XRRA1: variants seen among roughly 807,000 people sequenced by gnomAD.
XRRA1 encodes X-ray radiation resistance associated 1.
A neutral mutation model predicts 80.2 loss-of-function variants in XRRA1; 69 were observed. The ratio of observed to expected loss-of-function variants is 0.86; its 90% confidence interval spans 0.71 to 1.05. The LOEUF (loss-of-function observed/expected upper bound fraction) is 1.05, where lower values mean the gene tolerates loss of function less well. Ranked by LOEUF, XRRA1 falls within the 50% of genes least tolerant of loss-of-function variation. XRRA1 has a pLI of 0.00. For missense variants in XRRA1, 967 were observed against 976.4 expected, an observed-to-expected ratio of 0.99 and a Z score of 0.13; for synonymous variants, 348 against 389.9, an observed-to-expected ratio of 0.89 and a Z score of 1.27.
In XRRA1 at chr11:74,842,114, T is replaced by C. The variant is rs2036648412; in HGVS notation, c.*1086A>G. 1 of 152,164 alleles carries C rather than the reference T, an allele frequency of 6.6e-6. No individual in the cohort carries two copies. The highest frequency in any genetic ancestry group is 6.5e-5 in the Admixed American group (1 of 15,280). The allele number at this position is 152,164 out of a possible 1,614,324, so 9.4% of individuals were successfully genotyped here. ...TCCTGCCTAGAAAATAGGTTGTGTA[T>C]TGGTTTTATTCAACCTGCTGTCTGC... On this transcript the variant is annotated 3_prime_UTR_variant, in exon 19 of 19. Transcript: ENST00000684022.
At chr11:74,866,488 T>A (rs895948848) in intron 10 of XRRA1, among the ~76,000 whole-genome samples, 3 of 152,024 alleles carry the variant, frequency 2.0e-5, no homozygotes, top group Admixed American at 1.3e-4. Flanking sequence ...ACTCCTGGGC[T>A]CAAGCAATCT....
chr11:74,898,218 A>G (rs184969657), intron 10 of XRRA1, among the ~76,000 whole-genome samples: 22 of 152,308 alleles, frequency 1.4e-4, no homozygotes, highest in African/African-American at 4.6e-4. Flanking sequence ...GGGTTATAAG[A>G]TAGTATTTGC....
intron 10 of XRRA1, among the ~76,000 whole-genome samples, chr11:74,882,071 G>A (rs1305087041): frequency 6.7e-6 from 1 of 149,640 alleles, no homozygotes; most frequent in African/African-American, 2.5e-5. Context: ...CTAGATTGGG[G>A]AAGTTCTCCT....
intron 10 of XRRA1, chr11:74,876,994 A>G (rs1011509519): frequency 6.6e-6 from 1 of 152,214 alleles, no homozygotes; most frequent in Non-Finnish European, 1.5e-5. Context: ...AAAATTTAAG[A>G]TGGAAATTAT....
intron 1 of XRRA1, among the ~76,000 whole-genome samples, chr11:74,948,607 A>G (rs1481695652): frequency 1.3e-5 from 2 of 152,182 alleles, no homozygotes; most frequent in Admixed American, 1.3e-4. Context: ...CCGAGTTCAG[A>G]TACATGCTAT....
chr11:74,896,564 C>T (rs2137622466), intron 10 of XRRA1, among the ~76,000 whole-genome samples: 1 of 152,294 alleles, frequency 6.6e-6, no homozygotes, highest in East Asian at 1.9e-4. Context: ...TCCCAGACAG[C>T]ATCTCTGGAC....
At chr11:74,934,869 C>T (rs1036061144) in intron 4 of XRRA1, among the ~76,000 whole-genome samples, 2 of 152,126 alleles carry the variant, frequency 1.3e-5, no homozygotes, top group Admixed American at 6.5e-5. Flanking sequence ...ACATATCAGA[C>T]AGAGTACATC....
chr11:74,871,853 T>C (rs2044856831), intron 10 of XRRA1, among the ~76,000 whole-genome samples: 1 of 152,246 alleles, frequency 6.6e-6, no homozygotes, highest in African/African-American at 2.4e-5. Context: ...TTCCAAAATT[T>C]AACTCAGGTG....
At chr11:74,915,052 C>T (rs1008344211) in intron 8 of XRRA1, among the ~76,000 whole-genome samples, 2 of 152,200 alleles carry the variant, frequency 1.3e-5, no homozygotes, top group African/African-American at 4.8e-5. Flanking sequence ...CTGATACCTT[C>T]TCAAAGTCAA....
chr11:74,844,113 T>A, intron 17 of XRRA1, 55 bp downstream of exon 17: 1 of 1,538,520 alleles, frequency 6.5e-7, no homozygotes, highest in Non-Finnish European at 9.0e-7. Flanking sequence ...GCCACATCTG[T>A]AATTGTGGGC....
chr11:74,887,643 C>T (rs996351821), intron 10 of XRRA1, among the ~76,000 whole-genome samples: 19 of 152,304 alleles, frequency 1.2e-4, no homozygotes, highest in South Asian at 4.1e-4. Context: ...ACCCAGGTAG[C>T]GCAAGGGGTC....
intron 10 of XRRA1, among the ~76,000 whole-genome samples, chr11:74,878,167 A>G (rs1338012213): frequency 1.3e-5 from 2 of 151,880 alleles, no homozygotes; most frequent in African/African-American, 4.8e-5. Context: ...AACTGGTATG[A>G]GATGGTATCT....
intron 7 of XRRA1, 128 bp downstream of exon 7, chr11:74,927,263 A>C: frequency 7.5e-6 from 1 of 132,538 alleles, no homozygotes. Context: ...GGAGGCCAGC[A>C]ATGAAGCAAG....
At position 74,905,687 on chromosome 11, in the gene XRRA1, T is replaced by C. The variant is rs200355460; in HGVS notation, c.1003+552A>G. ...ATCTAGTTTGCAGTTTTTCCAACTT[T>C]TATAAACTAGCTTCACTGTGACTCC... On this transcript the variant is annotated intron_variant, in intron 10 of 18. Transcript: ENST00000684022. Among the ~76,000 whole-genome samples, 11 of 152,258 alleles carry C rather than the reference T, an allele frequency of 7.2e-5. No individual in the cohort carries two copies. In the East Asian group the frequency reaches 1.9e-3, roughly 27 times the overall value.
intron 5 of XRRA1, among the ~76,000 whole-genome samples, chr11:74,932,989 A>G (rs959629573): frequency 5.3e-5 from 8 of 152,210 alleles, no homozygotes; most frequent in African/African-American, 1.7e-4. Context: ...TATCCTGTAT[A>G]TACACTGGCT....
intron 10 of XRRA1, among the ~76,000 whole-genome samples, chr11:74,893,377 A>C (rs1050764221): frequency 5.8e-5 from 8 of 138,606 alleles, no homozygotes; most frequent in Non-Finnish European, 1.1e-4. Context: ...GGACACAGGA[A>C]GGGAACATCA....
chr11:74,883,316 A>G (rs1565315366), intron 10 of XRRA1, among the ~76,000 whole-genome samples: 2 of 151,908 alleles, frequency 1.3e-5, no homozygotes, highest in Non-Finnish European at 1.5e-5. Context: ...CAGGAAGGGA[A>G]CTCCCTGACC....
chr11:74,933,987 G>GTTCATTCATTCATTCA (rs60527965), intron 4 of XRRA1, 115 bp from the exon 5 acceptor site: 1 of 654,556 alleles, frequency 1.5e-6, no homozygotes, highest in African/African-American at 1.9e-5. Context: ...TTGTTTGCTT[G>GTTCATTCATTCATTCA]TTCATTCATT....
At chr11:74,908,579 G>A (rs931127057) in intron 8 of XRRA1, among the ~76,000 whole-genome samples, 2 of 152,080 alleles carry the variant, frequency 1.3e-5, no homozygotes, top group South Asian at 2.1e-4. Flanking sequence ...TAATTAATTC[G>A]TTCATTCACA....
Sources: gnomAD v4.1 joint callset for allele counts (sites outside exome capture counted in the v4.1 genomes callset) on GRCh38, gnomAD v4.1.1 for gene constraint, MANE v1.5 for transcripts, NCBI Gene and HGNC (gene_info 2026-07-23, HGNC 2026-07-21) for gene names.